CAND2: variants seen among roughly 807,000 people sequenced by gnomAD.
The protein encoded by CAND2 is cullin-associated NEDD8-dissociated protein 2.
Under a neutral mutation model 98.9 loss-of-function variants are expected in CAND2, and 62 were observed. The observed-to-expected ratio is 0.63, with a 90% CI of 0.51 to 0.77. The LOEUF (loss-of-function observed/expected upper bound fraction) is 0.77, where lower values mean the gene tolerates loss of function less well. Ranked by LOEUF, CAND2 falls within the 30% of genes least tolerant of loss-of-function variation. The pLI, the probability that CAND2 is intolerant of heterozygous loss-of-function variation, is 0.00. For missense variants in CAND2, 1,501 were observed against 1,655.2 expected (o/e 0.91, Z 1.62); for synonymous variants, 770 against 731.9 (o/e 1.05, Z -0.84).
chr3:12,814,404 G>A (rs77142072), intron 7 of CAND2, among the ~76,000 whole-genome samples: 6 of 152,276 alleles, frequency 3.9e-5, no homozygotes, highest in African/African-American at 7.2e-5. Flanking sequence ...AGTCTCACCC[G>A]CTCTGAGTCT....
intron 13 of CAND2, among the ~76,000 whole-genome samples, chr3:12,829,481 C>T (rs1007125044): frequency 2.0e-5 from 3 of 152,174 alleles, no homozygotes; most frequent in African/African-American, 7.2e-5. Context: ...GTACTGTAAG[C>T]GTGAGTCACT....
chr3:12,806,028 A>G (rs1052398903), intron 2 of CAND2, among the ~76,000 whole-genome samples: 1 of 152,194 alleles, frequency 6.6e-6, no homozygotes, highest in East Asian at 1.9e-4. Context: ...GCTGTGGAGA[A>G]GGAAGTTGAG....
intron 9 of CAND2, 99 bp from the exon 10 acceptor site, chr3:12,816,275 G>T: frequency 2.4e-6 from 3 of 1,234,148 alleles, no homozygotes; most frequent in Admixed American, 4.4e-5. Flanking sequence ...AGGTGCTTCA[G>T]TCCAGCTCAG....
intron 1 of CAND2, among the ~76,000 whole-genome samples, chr3:12,799,595 C>G (rs1359003397): frequency 6.6e-6 from 1 of 152,176 alleles, no homozygotes; most frequent in Non-Finnish European, 1.5e-5. Context: ...TAAGGGCTAG[C>G]TCTCTCACTA....
In CAND2 at chr3:12,808,338, G is replaced by T; in HGVS notation, c.491+5G>T. 6.4e-7 allele frequency: 1 copy of T among 1,551,300 alleles called. No homozygotes were observed. The highest frequency in any genetic ancestry group is 1.2e-5 in the South Asian group (1 of 84,004). The stretch of plus-strand genomic sequence containing the variant: ...CCTCTCTGACATGCTGAGCAGGTGT[G>T]GGAGGCCATCCTGGGTATTGAGGAA... On this transcript the variant is annotated splice_donor_5th_base_variant and intron_variant, in intron 4 of 14. Coordinates refer to ENST00000456430, the MANE Select transcript of CAND2 (RefSeq NM_001162499.2).
At position 12,815,981 on chromosome 3, in the gene CAND2, G is replaced by A. The variant is rs1320673897; in HGVS notation, c.1414G>A (p.Ala472Thr). ...GGCGGGTGTCCTCCCAGGCAGCCTG[G>A]CCGAGCATATGCCTGTGCTGGTATC... is the stretch of plus-strand genomic sequence containing the variant. The part of the protein sequence containing the change: ...ELAGVLPGSL[A>T]EHMPVLVSGI... Residue 472 changes from alanine to threonine, a missense_variant, in exon 9 of 15, where the codon GCC (alanine) becomes ACC (threonine). This residue lies in a region of CAND2 where 1,427 missense variants were observed against 1,545.3 expected (regional missense o/e 0.92). Transcript: ENST00000456430. The surrounding 1 kb of genome is among the most constrained non-coding windows in gnomAD (Gnocchi z 5.7). 1 of 1,613,942 alleles carries A rather than the reference G, an allele frequency of 6.2e-7. No individual in the cohort carries two copies. Among genetic ancestry groups the A allele is most frequent in the Non-Finnish European group, 8.5e-7 (1 of 1,179,982 alleles).
At chr3:12,821,622 A>G (rs905433958) in intron 11 of CAND2, among the ~76,000 whole-genome samples, 5 of 151,832 alleles carry the variant, frequency 3.3e-5, no homozygotes, top group African/African-American at 1.2e-4. Flanking sequence ...GCCCTTGGCT[A>G]GCACCACCAG....
At chr3:12,825,715 T>C in intron 12 of CAND2, 76 bp downstream of exon 12, 1 of 1,452,480 alleles carries the variant, frequency 6.9e-7, no homozygotes. Context: ...AGGGCATTAT[T>C]ATCTCATCAG....
intron 1 of CAND2, among the ~76,000 whole-genome samples, chr3:12,797,617 A>G (rs2061735893): frequency 1.3e-5 from 2 of 152,202 alleles, no homozygotes. Flanking sequence ...ACTGAGGCCC[A>G]GGGAGGAAAA....
chr3:12,833,699 AGTG>A, intron 14 of CAND2, 53 bp from the exon 15 acceptor site: 1 of 1,355,340 alleles, frequency 7.4e-7, no homozygotes, highest in Non-Finnish European at 1.1e-6. Context: ...GTGAGGAGGC[AGTG>A]GTGTGGGCCA....
chr3:12,808,326 C>T lies in CAND2; in HGVS notation c.484C>T (p.Leu162=), dbSNP rs768256211. 2.0e-5 allele frequency: 31 copies of T among 1,551,310 alleles called. No individual in the cohort carries two copies. Among genetic ancestry groups the T allele is most frequent in the Non-Finnish European group, 2.7e-5 (31 of 1,146,898 alleles). The change falls in exon 4 of 15, where the codon CTG becomes TTG. Residue 162 remains leucine (L), a synonymous_variant. Transcript: ENST00000456430. ...AGCCCTGGACATCCTCTCTGACATG[C>T]TGAGCAGGTGTGGGAGGCCATCCTG... is the stretch of plus-strand genomic sequence containing the variant. The part of the protein sequence containing the change: ...LEALDILSDM[L]SRLGVPLGAF...
chr3:12,797,859 C>G (rs60325501), intron 1 of CAND2, among the ~76,000 whole-genome samples: 3,305 of 152,168 alleles, frequency 0.022, 118 homozygotes, highest in African/African-American at 0.073. Flanking sequence ...GATTCCAGCC[C>G]CCTGACAGGT....
chr3:12,816,859 C>A lies in CAND2; in HGVS notation c.1927C>A (p.Gln643Lys), dbSNP rs375930556. Residue 643 changes from glutamine to lysine, a missense_variant, in exon 10 of 15, where the codon CAG becomes AAG. Coordinates refer to ENST00000456430, the MANE Select transcript of CAND2 (RefSeq NM_001162499.2). ...ALTLVAVSPL[Q>K]LDLQPILAEA... ...TACGCTGGTGGCCGTATCCCCACTA[C>A]AGCTTGACCTACAGCCCATCCTGGC... The A allele has an allele frequency of 6.2e-7, 1 of 1,613,886 alleles. No homozygotes were observed. The highest frequency in any genetic ancestry group is 8.5e-7 in the Non-Finnish European group (1 of 1,180,032).
At chr3:12,809,647 C>T (rs1395281187) in intron 4 of CAND2, among the ~76,000 whole-genome samples, 2 of 151,998 alleles carry the variant, frequency 1.3e-5, no homozygotes, top group Admixed American at 6.6e-5. Flanking sequence ...CACTAGGGAG[C>T]CATGGAAGGA....
chr3:12,799,968 C>T (rs1452982677), intron 1 of CAND2, among the ~76,000 whole-genome samples: 1 of 152,182 alleles, frequency 6.6e-6, no homozygotes, highest in Non-Finnish European at 1.5e-5. Context: ...CTATCTTGGG[C>T]AAAGAGGCAC....
In CAND2 at chr3:12,808,276, A is replaced by C; in HGVS notation, c.434A>C (p.Gln145Pro). ...CAGCTCACCAGTGCCATTGCCCAGCAGGAGGATGTGGCTGTGCAGCTGGAA... is the reference window on the plus strand; with the variant it reads ...CAGCTCACCAGTGCCATTGCCCAGCCGGAGGATGTGGCTGTGCAGCTGGAA... ...TGQLTSAIAQ[Q>P]EDVAVQLEAL... The change falls in exon 4 of 15, where the codon CAG becomes CCG. Residue 145 changes from glutamine (Q) to proline (P), a missense_variant. By Grantham distance (76) the Gln-to-Pro change is moderately conservative. Coordinates refer to ENST00000456430, the MANE Select transcript of CAND2 (RefSeq NM_001162499.2). 3 of 1,551,488 alleles carry C rather than the reference A, an allele frequency of 1.9e-6. No individual in the cohort carries two copies. The highest frequency in any genetic ancestry group is 2.6e-6 in the Non-Finnish European group (3 of 1,146,956).
At position 12,817,600 on chromosome 3, in the gene CAND2, G is replaced by A. The variant is rs746821713; in HGVS notation, c.2668G>A (p.Ala890Thr). 1.1e-5 allele frequency: 17 copies of A among 1,613,834 alleles called. No homozygotes were observed. The Admixed American group carries it at 2.8e-4, about 27-fold the overall frequency. Residue 890 changes from alanine to threonine, a missense_variant, in exon 10 of 15, where the codon GCT becomes ACT. Physicochemically the swap from Ala to Thr is moderately conservative, Grantham distance 58. Coordinates refer to ENST00000456430, the MANE Select transcript of CAND2 (RefSeq NM_001162499.2). ...CTCGTATGCACTGGGCCGTGTGGGTGCTGGCAGCCTGCCCGACTTCCTGCC... is the reference window on the plus strand; with the variant it reads ...CTCGTATGCACTGGGCCGTGTGGGTACTGGCAGCCTGCCCGACTTCCTGCC... ...AASYALGRVG[A>T]GSLPDFLPFL...
In CAND2 at chr3:12,819,863, TACCTG is replaced by T. The variant is rs1326799178; in HGVS notation, c.2945-221_2945-217del. Among the ~76,000 whole-genome samples the T allele has an allele frequency of 2.6e-5, 4 of 152,344 alleles. No homozygotes were observed. In the South Asian group the frequency reaches 8.3e-4, roughly 32 times the overall value. ...GTTCCCTGTTTGCAGCCTGTGGTGTTACCTGAGCACTGGCAGTCCTACTGTTTCAG... is the reference window on the plus strand; with the variant it reads ...GTTCCCTGTTTGCAGCCTGTGGTGTTAGCACTGGCAGTCCTACTGTTTCAG... On this transcript the variant is annotated intron_variant, in intron 10 of 14. Transcript: ENST00000456430.
chr3:12,816,503 C>A lies in CAND2; in HGVS notation c.1571C>A (p.Pro524Gln), dbSNP rs780809963. The A allele has an allele frequency of 1.9e-6, 3 of 1,614,010 alleles. No individual in the cohort carries two copies. The highest frequency in any genetic ancestry group is 1.7e-6 in the Non-Finnish European group (2 of 1,179,968). Residue 524 changes from proline (P) to glutamine (Q), a missense_variant, in exon 10 of 15, where the codon CCA (proline) becomes CAA (glutamine). Transcript: ENST00000456430. ...AFHPHLPILL[P>Q]PVMACVADSF... ...CACCCACACTTGCCTATCCTCCTGC[C>A]ACCTGTGATGGCCTGTGTGGCTGAC...
Sources: gnomAD v4.1 joint callset for allele counts (sites outside exome capture counted in the v4.1 genomes callset) on GRCh38, gnomAD v4.1.1 for gene constraint, gnomAD v4.1.1 regional missense constraint, Gnocchi (gnomAD v3.1) non-coding constraint, MANE v1.5 for transcripts, NCBI Gene and HGNC (gene_info 2026-07-23, HGNC 2026-07-21) for gene names.